RFX2: variants seen among roughly 807,000 people sequenced by gnomAD.
The protein encoded by RFX2 is DNA-binding protein RFX2.
A neutral mutation model predicts 87.8 loss-of-function variants in RFX2; 20 were observed. That is an observed-to-expected ratio of 0.23 (90% confidence interval 0.16 to 0.33). RFX2 has a LOEUF of 0.33. Ranked by LOEUF, RFX2 falls within the 10% of genes least tolerant of loss-of-function variation. The pLI, the probability that RFX2 is intolerant of heterozygous loss-of-function variation, is 1.00. For missense variants in RFX2, 767 were observed against 1,012.3 expected (o/e 0.76, Z 3.29); for synonymous variants, 397 against 431.3 (o/e 0.92, Z 0.98).
chr19:6,085,610 ACG>A (rs2087845986), intron 1 of RFX2, among the ~76,000 whole-genome samples: 1 of 152,192 alleles, frequency 6.6e-6, no homozygotes, highest in African/African-American at 2.4e-5. Flanking sequence ...AAAGTTTTGA[ACG>A]CTGATGGCCT....
At chr19:6,082,282 A>G (rs2087795855) in intron 1 of RFX2, among the ~76,000 whole-genome samples, 1 of 137,938 alleles carries the variant, frequency 7.2e-6, no homozygotes, top group Admixed American at 7.2e-5. Context: ...CAACAGAGTA[A>G]GACCCTGTCT....
In RFX2 at chr19:6,010,393, G is replaced by C; in HGVS notation, c.900-142C>G. ...GCGGTCAAATACACATAACACAAAA[G>C]CTACCATCGGAACCATCTTGAGTGC... On this transcript the variant is annotated intron_variant, in intron 8 of 17. Transcript: ENST00000303657. This position sits in a 1 kb window ranked among gnomAD's most constrained non-coding sequence, Gnocchi z 5.0. The C allele has an allele frequency of 1.6e-6, 1 of 628,308 alleles. No homozygotes were observed. The highest frequency in any genetic ancestry group is 2.9e-6 in the Non-Finnish European group (1 of 345,836). 38.9% of individuals were successfully genotyped at this position (628,308 alleles called of 1,614,324 possible).
chr19:5,996,407 C>T (rs1025414615), intron 16 of RFX2, among the ~76,000 whole-genome samples: 2 of 100,160 alleles, frequency 2.0e-5, no homozygotes, highest in Non-Finnish European at 4.2e-5. Flanking sequence ...GGCTTTGACC[C>T]GGGCCGCAGC....
At position 6,021,468 on chromosome 19, in the gene RFX2, G is replaced by A. The variant is rs980116480; in HGVS notation, c.597+4695C>T. On this transcript the variant is annotated intron_variant, in intron 6 of 17. Transcript: ENST00000303657. This position sits in a 1 kb window ranked among gnomAD's most constrained non-coding sequence, Gnocchi z 5.7. Reference sequence around the variant, plus strand: ...GGAAAGGGGATGGGGTCGCCGCCACGGAGGGACTGGAGGGAGGACTGCAAC... The same window carrying A: ...GGAAAGGGGATGGGGTCGCCGCCACAGAGGGACTGGAGGGAGGACTGCAAC... Among the ~76,000 whole-genome samples the A allele has an allele frequency of 6.6e-6, 1 of 152,230 alleles. No homozygotes were observed. Among genetic ancestry groups the A allele is most frequent in the Non-Finnish European group, 1.5e-5 (1 of 68,044 alleles).
chr19:6,105,415 G>A (rs1599939293), intron 1 of RFX2, among the ~76,000 whole-genome samples: 1 of 152,146 alleles, frequency 6.6e-6, no homozygotes, highest in Non-Finnish European at 1.5e-5. Context: ...GGCCAGCAGG[G>A]TGGAAGTGCA....
At chr19:6,075,531 A>T (rs1249810184) in intron 1 of RFX2, among the ~76,000 whole-genome samples, 1 of 152,250 alleles carries the variant, frequency 6.6e-6, no homozygotes, top group Non-Finnish European at 1.5e-5. Flanking sequence ...AGAGCCAGCC[A>T]GGTTTGCTGA....
chr19:6,086,391 A>G (rs765784496), intron 1 of RFX2, among the ~76,000 whole-genome samples: 22 of 152,240 alleles, frequency 1.4e-4, no homozygotes, highest in Non-Finnish European at 2.8e-4. Flanking sequence ...TATTGCTCCC[A>G]GGCTACAAAC....
rs1246027197 is a variant in RFX2 at position 6,020,675 on chromosome 19, C to T, written c.598-4404G>A. ...TCCAGCCGCTCCAACCACACTCGCCCACCTCCCCTGCTCTTGAGGGCTCGG... is the reference window on the plus strand; with the variant it reads ...TCCAGCCGCTCCAACCACACTCGCCTACCTCCCCTGCTCTTGAGGGCTCGG... On this transcript the variant is annotated intron_variant, in intron 6 of 17. Transcript: ENST00000303657. The surrounding 1 kb of genome is among the most constrained non-coding windows in gnomAD (Gnocchi z 5.3). Among the ~76,000 whole-genome samples, 1 of 152,240 alleles carries T rather than the reference C, an allele frequency of 6.6e-6. No individual in the cohort carries two copies. The highest frequency in any genetic ancestry group is 6.5e-5 in the Admixed American group (1 of 15,282).
rs1035629161 is a variant in RFX2, at chr19:6,047,889, T to C, written c.-8-385A>G. On this transcript the variant is annotated intron_variant, in intron 1 of 17. Transcript: ENST00000303657. The surrounding 1 kb of genome is among the most constrained non-coding windows in gnomAD (Gnocchi z 4.2). ...AAAGCTCTGGGTGGGTGACTGCCAT[T>C]TGGGAAGCTACTGCACCCCAAACGA... Among the ~76,000 whole-genome samples the C allele has an allele frequency of 1.3e-5, 2 of 152,180 alleles. No homozygotes were observed. Among genetic ancestry groups the C allele is most frequent in the Admixed American group, 6.5e-5 (1 of 15,286 alleles).
Position 6,040,209 on chromosome 19 carries a change from T to C in RFX2, c.293A>G (p.Gln98Arg). 6.3e-7 allele frequency: 1 copy of C among 1,584,918 alleles called. No homozygotes were observed. Among genetic ancestry groups the C allele is most frequent in the Non-Finnish European group, 8.6e-7 (1 of 1,158,518 alleles). Residue 98 changes from glutamine (Q) to arginine (R), a missense_variant, in exon 5 of 18, where the codon CAG becomes CGG. By Grantham distance (43) the Gln-to-Arg change is conservative. Around this residue, in one of 2 missense-constraint regions of RFX2, gnomAD observed 146 missense variants for 139.2 expected, o/e 1.05. Coordinates refer to ENST00000303657, the MANE Select transcript of RFX2 (RefSeq NM_000635.4). This position sits in a 1 kb window ranked among gnomAD's most constrained non-coding sequence, Gnocchi z 6.1. ...RTAYTYNPEP[Q>R]MYAPSSTASY... is the part of the protein sequence containing the mutation. ...AGCCGTGCTGCTGGGGGCGTACATC[T>C]GAGGCTCGGGGTTGTAGGTGTAGGC...
In RFX2 at chr19:6,045,885, C is replaced by T. The variant is rs1303405532; in HGVS notation, c.90+1522G>A. On this transcript the variant is annotated intron_variant, in intron 2 of 17. Coordinates refer to ENST00000303657, the MANE Select transcript of RFX2 (RefSeq NM_000635.4). This position sits in a 1 kb window ranked among gnomAD's most constrained non-coding sequence, Gnocchi z 5.2. ...TGTATTTAGTAGACACAGGGTTTCACCATGTTACTCAGACTGGTCTCAAAC... is the reference window on the plus strand; with the variant it reads ...TGTATTTAGTAGACACAGGGTTTCATCATGTTACTCAGACTGGTCTCAAAC... Among the ~76,000 whole-genome samples, 1 of 152,056 alleles carries T rather than the reference C, an allele frequency of 6.6e-6. No individual in the cohort carries two copies.
chr19:6,015,943 C>G, intron 7 of RFX2, 147 bp downstream of exon 7: 1 of 655,182 alleles, frequency 1.5e-6, no homozygotes, highest in African/African-American at 1.9e-5. Flanking sequence ...CCAAGGCTGC[C>G]GCCAATTGAA....
Position 6,007,839 on chromosome 19 carries a change from T to C in RFX2, c.1135-37A>G. On this transcript the variant is annotated intron_variant, in intron 10 of 17. Transcript: ENST00000303657. This position sits in a 1 kb window ranked among gnomAD's most constrained non-coding sequence, Gnocchi z 8.2. ...GGGACCGGTGAGACAGACGGGTGCG[T>C]GCGCCCATCACGTGCACTCAGCACA... 1.5e-6 allele frequency: 2 copies of C among 1,373,934 alleles called. No individual in the cohort carries two copies. Among genetic ancestry groups the C allele is most frequent in the Non-Finnish European group, 2.0e-6 (2 of 985,006 alleles). 85.1% of individuals were successfully genotyped at this position (1,373,934 alleles called of 1,614,324 possible).
In RFX2 at chr19:6,050,034, T is replaced by C. The variant is rs2087248515; in HGVS notation, c.-8-2530A>G. 6.6e-6 allele frequency among the ~76,000 whole-genome samples: 1 copy of C among 152,130 alleles called. No homozygotes were observed. Among genetic ancestry groups the C allele is most frequent in the South Asian group, 2.1e-4 (1 of 4,824 alleles). On this transcript the variant is annotated intron_variant, in intron 1 of 17. Coordinates refer to ENST00000303657, the MANE Select transcript of RFX2 (RefSeq NM_000635.4). This position sits in a 1 kb window ranked among gnomAD's most constrained non-coding sequence, Gnocchi z 4.6. ...GGAAGAGAGAGAGCCACAGAAGGGG[T>C]GAGCCCTCAAATCTTCCTACAAAAT...
In RFX2 at chr19:6,010,827, A is replaced by G. The variant is rs1159728270; in HGVS notation, c.900-576T>C. ...CATTTCTCTCTTAGAAAAAAAAGTG[A>G]AATTCTTGGCCGGGCGCAGGGGCTC... On this transcript the variant is annotated intron_variant, in intron 8 of 17. Transcript: ENST00000303657. The surrounding 1 kb of genome is among the most constrained non-coding windows in gnomAD (Gnocchi z 5.0). Among the ~76,000 whole-genome samples the G allele has an allele frequency of 1.3e-5, 2 of 152,200 alleles. No individual in the cohort carries two copies. The highest frequency in any genetic ancestry group is 4.8e-5 in the African/African-American group (2 of 41,440).
intron 1 of RFX2, among the ~76,000 whole-genome samples, chr19:6,059,826 C>T (rs772520385): frequency 2.6e-5 from 4 of 152,054 alleles, no homozygotes; most frequent in Non-Finnish European, 4.4e-5. Context: ...CACCACCTGA[C>T]GCAGGATAAT....
Position 6,011,430 on chromosome 19 carries a change from G to A in RFX2, c.900-1179C>T, listed in dbSNP as rs1453896956. ...GGGCCAGGCCTACAGGGAGGCGGGA[G>A]ACCATGCTGGCGAGGTGTGTGTAAA... On this transcript the variant is annotated intron_variant, in intron 8 of 17. Transcript: ENST00000303657. The surrounding 1 kb of genome is among the most constrained non-coding windows in gnomAD (Gnocchi z 4.8). Among the ~76,000 whole-genome samples, 1 of 152,204 alleles carries A rather than the reference G, an allele frequency of 6.6e-6. No homozygotes were observed. The highest frequency in any genetic ancestry group is 1.9e-4 in the East Asian group (1 of 5,188).
At chr19:6,054,548 A>AC (rs2087307679) in intron 1 of RFX2, among the ~76,000 whole-genome samples, 2 of 151,698 alleles carry the variant, frequency 1.3e-5, no homozygotes, top group South Asian at 4.2e-4. Flanking sequence ...TTATCAATTG[A>AC]TTTTTTTTTC....
chr19:6,028,940 G>A (rs977571568), intron 5 of RFX2, among the ~76,000 whole-genome samples: 6 of 152,042 alleles, frequency 3.9e-5, no homozygotes, highest in Non-Finnish European at 7.4e-5. Flanking sequence ...TTAGGTGGGT[G>A]TGGTGGCACA....
Sources: gnomAD v4.1 joint callset for allele counts (sites outside exome capture counted in the v4.1 genomes callset) on GRCh38, gnomAD v4.1.1 for gene constraint, gnomAD v4.1.1 regional missense constraint, Gnocchi (gnomAD v3.1) non-coding constraint, MANE v1.5 for transcripts, NCBI Gene and HGNC (gene_info 2026-07-23, HGNC 2026-07-21) for gene names.